Variants in PRR5 observed in about 807,000 individuals in gnomAD.
PRR5 encodes the protein proline rich 5.
In PRR5, 25 loss-of-function variants were observed where a neutral mutation model predicts 30.6. The observed-to-expected ratio is 0.82, with a 90% confidence interval of 0.60 to 1.14. The LOEUF is 1.14. PRR5 is among the 50% of genes most tolerant of loss of function. The pLI, the probability that PRR5 is intolerant of heterozygous loss-of-function variation, is 0.00. For synonymous variants in PRR5, 286 were observed against 247.1 expected, an observed-to-expected ratio of 1.16 and a Z score of -1.48; for missense variants, 600 against 547.1, an observed-to-expected ratio of 1.10 and a Z score of -0.96.
rs1023550430 is a variant in PRR5 at position 44,702,270 on chromosome 22, A to C, written c.-205A>C. On this transcript the variant is annotated 5_prime_UTR_variant, in exon 1 of 8. Transcript: ENST00000336985. Reference sequence around the variant, plus strand: ...CGCTCCACGCTGAGCCTCTCCGTGCAATGATTAACCCGGCGGGGCGGCCGG... The same window carrying C: ...CGCTCCACGCTGAGCCTCTCCGTGCCATGATTAACCCGGCGGGGCGGCCGG... 6.0e-5 allele frequency: 68 copies of C among 1,141,064 alleles called. No individual in the cohort carries two copies. In the African/African-American group the frequency reaches 1.1e-3, roughly 18 times the overall value. 70.7% of individuals were successfully genotyped at this position (1,141,064 alleles called of 1,614,324 possible). A position where few individuals can be genotyped will look rare whatever the true frequency, so the allele number is the denominator to read the frequency against.
intron 2 of PRR5, among the ~76,000 whole-genome samples, chr22:44,715,570 G>T (rs1474161420): frequency 6.6e-6 from 1 of 152,122 alleles, no homozygotes; most frequent in African/African-American, 2.4e-5. Flanking sequence ...ACCCCTGGGT[G>T]GGGCTCTGGG....
At chr22:44,673,768 C>T (rs574997755), upstream of PRR5, among the ~76,000 whole-genome samples, 3 of 152,084 alleles carry the variant, frequency 2.0e-5, no homozygotes, top group South Asian at 4.2e-4. Flanking sequence ...AGATCCTGAG[C>T]GTGGCTTTGG....
chr22:44,730,285 T>G, intron 4 of PRR5: 1 of 985,106 alleles, frequency 1.0e-6, no homozygotes, highest in Non-Finnish European at 1.2e-6. Context: ...CCGGCAACGC[T>G]TCCCTCTTCA....
chr22:44,713,946 G>C (rs993370846), intron 1 of PRR5, among the ~76,000 whole-genome samples: 3 of 152,216 alleles, frequency 2.0e-5, no homozygotes, highest in Non-Finnish European at 4.4e-5. Context: ...TGGGACTACA[G>C]GCGCCCGCCA....
intron 2 of PRR5, among the ~76,000 whole-genome samples, chr22:44,721,008 G>C (rs571697498): frequency 6.6e-6 from 1 of 152,098 alleles, no homozygotes; most frequent in Non-Finnish European, 1.5e-5. Flanking sequence ...TTATTCCTTC[G>C]TCAGCATTCA....
At chr22:44,679,461 T>C (rs1924064400) in intron 1 of PRR5, 1 of 195,308 alleles carries the variant, frequency 5.1e-6, no homozygotes, top group Non-Finnish European at 1.1e-5. Flanking sequence ...TCCCAGCACC[T>C]TGGGAGGCCA....
intron 1 of PRR5, among the ~76,000 whole-genome samples, chr22:44,681,631 A>G (rs1212921219): frequency 1.3e-5 from 2 of 151,370 alleles, no homozygotes; most frequent in African/African-American, 4.9e-5. Context: ...CCCTTTTTGA[A>G]GAGTCCAGCA....
In PRR5 at chr22:44,736,116, C is replaced by T. The variant is rs149093189; in HGVS notation, c.692-656C>T. 9.8e-4 allele frequency among the ~76,000 whole-genome samples: 149 copies of T among 152,342 alleles called. 3 individuals carry two copies. In the East Asian group the frequency reaches 0.025, roughly 26 times the overall value. ...CTTGGCCACCTGTGCCACTGCCTCC[C>T]GCCCAGATGAACCAAGGGGCCTCCT... On this transcript the variant is annotated intron_variant, in intron 7 of 7. Coordinates refer to ENST00000336985, the MANE Select transcript of PRR5 (RefSeq NM_181333.4).
At chr22:44,687,364 T>TA (rs397730780) in intron 1 of PRR5, among the ~76,000 whole-genome samples, 7 of 151,578 alleles carry the variant, frequency 4.6e-5, no homozygotes, top group African/African-American at 1.7e-4. Flanking sequence ...CAGAGCGTTT[T>TA]ATAATTGCTC....
chr22:44,709,701 A>G (rs1927849889), intron 1 of PRR5, among the ~76,000 whole-genome samples: 2 of 152,132 alleles, frequency 1.3e-5, no homozygotes, highest in South Asian at 4.1e-4. Context: ...AAAATACAAA[A>G]ATTATCCAGG....
At chr22:44,689,759 C>T (rs1925077810) in intron 1 of PRR5, among the ~76,000 whole-genome samples, 2 of 152,358 alleles carry the variant, frequency 1.3e-5, no homozygotes, top group South Asian at 4.1e-4. Context: ...AGCAATTCTC[C>T]CATCTCAGCC....
At chr22:44,724,990 T>C (rs1930463281) in intron 2 of PRR5, among the ~76,000 whole-genome samples, 1 of 152,126 alleles carries the variant, frequency 6.6e-6, no homozygotes, top group Admixed American at 6.5e-5. Flanking sequence ...GAGGACCCCT[T>C]GGCTTCCTCT....
rs868663858 is a variant in PRR5, at chr22:44,714,735, G to A, written c.215+64G>A. On this transcript the variant is annotated intron_variant, in intron 2 of 7. Coordinates refer to ENST00000336985, the MANE Select transcript of PRR5 (RefSeq NM_181333.4). ...GGCAGGGAGGGCTAGGCCCAGAGTC[G>A]AAGGCCCCAGCCAGGCCCCTGACCC... The A allele has an allele frequency of 3.3e-5, 53 of 1,589,640 alleles. No homozygotes were observed. In the Middle Eastern group the frequency reaches 9.2e-4, roughly 28 times the overall value.
chr22:44,729,948 G>A (rs1455138772), intron 4 of PRR5: 15 of 985,304 alleles, frequency 1.5e-5, no homozygotes, highest in Middle Eastern at 1.0e-3. Flanking sequence ...GGCACAGTTC[G>A]GCGGGGCGGT....
chr22:44,692,247 AGGGCTCCTCCTCCCG>A (rs1289614747), intron 1 of PRR5, among the ~76,000 whole-genome samples: 7 of 110,820 alleles, frequency 6.3e-5, no homozygotes, highest in African/African-American at 1.1e-4. Context: ...TCCTCCACCC[AGGGCTCCTCCTCCCG>A]GGGCTCCTCC....
chr22:44,729,072 C>G (rs929102156), intron 4 of PRR5, among the ~76,000 whole-genome samples: 28 of 152,188 alleles, frequency 1.8e-4, no homozygotes, highest in African/African-American at 6.8e-4. Flanking sequence ...GGCGGGAGCT[C>G]CTGGTCCTCT....
chr22:44,696,720 C>T (rs79377433), intron 1 of PRR5, among the ~76,000 whole-genome samples: 5 of 84,492 alleles, frequency 5.9e-5, no homozygotes, highest in African/African-American at 1.6e-4. Flanking sequence ...CATGAACTTA[C>T]GTATTTATTT....
At chr22:44,713,413 G>A (rs2097534) in intron 1 of PRR5, among the ~76,000 whole-genome samples, 54,298 of 151,930 alleles carry the variant, frequency 0.36, 10,216 homozygotes, top group South Asian at 0.48. Context: ...TTGTATTTTT[G>A]GTAGAGGCAG....
At chr22:44,727,786 A>G (rs985797577) in intron 4 of PRR5, among the ~76,000 whole-genome samples, 3 of 152,174 alleles carry the variant, frequency 2.0e-5, no homozygotes, top group South Asian at 4.1e-4. Flanking sequence ...GCTGCGTGTC[A>G]TGGTCCTTCC....
Sources: allele counts gnomAD v4.1 joint callset (sites outside exome capture counted in the v4.1 genomes callset), GRCh38; gene constraint gnomAD v4.1.1; transcripts MANE v1.5; gene names NCBI Gene and HGNC (gene_info 2026-07-23, HGNC 2026-07-21).